Variants in NSD1 observed in about 807,000 individuals in gnomAD.
NSD1 encodes the protein histone-lysine N-methyltransferase, H3 lysine-36 specific.
Under a neutral mutation model 242.7 loss-of-function variants are expected in NSD1, and 26 were observed. The ratio of observed to expected loss-of-function variants is 0.11; its 90% CI spans 0.08 to 0.15. The LOEUF is 0.15. NSD1 is among the 10% of genes least tolerant of loss of function. The pLI is 1.00. For missense variants in NSD1, 2,495 were observed against 3,272.8 expected (o/e 0.76, Z 5.80); for synonymous variants, 1,106 against 1,178.1 (o/e 0.94, Z 1.25).
chr5:177,144,822 C>T (rs1240636472), intron 2 of NSD1, among the ~76,000 whole-genome samples: 1 of 152,078 alleles, frequency 6.6e-6, no homozygotes. Flanking sequence ...TGGTTCACAT[C>T]TATAATCCCA....
chr5:177,272,230 A>G (rs535068315), intron 16 of NSD1, among the ~76,000 whole-genome samples: 4 of 152,042 alleles, frequency 2.6e-5, no homozygotes, highest in African/African-American at 9.6e-5. Context: ...TATTGGATAG[A>G]TGTTAAGGAG....
Position 177,180,105 on chromosome 5 carries a change from T to A in NSD1, c.928-11779T>A, listed in dbSNP as rs191747451. Reference sequence around the variant, plus strand: ...TATTTTTTATTTTATTTATTTATTTTTTTTTTTGAGACAGAGTCTCGCTGT... The same window carrying A: ...TATTTTTTATTTTATTTATTTATTTATTTTTTTGAGACAGAGTCTCGCTGT... On this transcript the variant is annotated intron_variant, in intron 2 of 22. Coordinates refer to ENST00000439151, the MANE Select transcript of NSD1 (RefSeq NM_022455.5). Among the ~76,000 whole-genome samples the A allele has an allele frequency of 6.5e-3, 983 of 151,456 alleles. 7 individuals are homozygous for A. The highest frequency in any genetic ancestry group is 0.019 in the African/African-American group (771 of 41,330).
Position 177,136,050 on chromosome 5 carries a change from A to G in NSD1, c.927+20A>G, listed in dbSNP as rs1413883952. 1 of 1,590,898 alleles carries G rather than the reference A, an allele frequency of 6.3e-7. No individual in the cohort carries two copies. Among genetic ancestry groups the G allele is most frequent in the South Asian group, 1.1e-5 (1 of 90,356 alleles). ...CCATTTGTAAGCAGTTTTTGGTACA[A>G]CTTAAATATATACATATATGTATAT... is the stretch of plus-strand genomic sequence containing the variant. On this transcript the variant is annotated intron_variant, in intron 2 of 22. Coordinates refer to ENST00000439151, the MANE Select transcript of NSD1 (RefSeq NM_022455.5).
intron 16 of NSD1, among the ~76,000 whole-genome samples, chr5:177,272,067 C>T (rs1350001908): frequency 6.6e-6 from 1 of 152,070 alleles, no homozygotes; most frequent in Non-Finnish European, 1.5e-5. Context: ...GAGGCTAATG[C>T]CACTGCACTC....
intron 2 of NSD1, among the ~76,000 whole-genome samples, chr5:177,151,343 C>T (rs1757680272): frequency 6.6e-6 from 1 of 152,182 alleles, no homozygotes. Context: ...AAGATTGTGC[C>T]ATTGCACTCC....
At chr5:177,173,355 T>C (rs1359857183) in intron 2 of NSD1, among the ~76,000 whole-genome samples, 2 of 151,620 alleles carry the variant, frequency 1.3e-5, no homozygotes, top group African/African-American at 4.8e-5. Context: ...AGAAGTCTAT[T>C]GGAATGTTGC....
chr5:177,288,632 T>A (rs890276235), intron 20 of NSD1, 187 bp from the exon 21 acceptor site: 15 of 556,016 alleles, frequency 2.7e-5, no homozygotes, highest in Admixed American at 2.5e-4. Flanking sequence ...CCATTTAAGT[T>A]TTCTCTGTTA....
chr5:177,295,753 CTG>C lies in NSD1; in HGVS notation c.*295_*296del. On this transcript the variant is annotated 3_prime_UTR_variant, in exon 23 of 23. Transcript: ENST00000439151. This position sits in a 1 kb window ranked among gnomAD's most constrained non-coding sequence, Gnocchi z 4.3. The stretch of plus-strand genomic sequence containing the variant: ...GTCATCGTGAAATAAAAAGTCCACT[CTG>C]GAGTCAAGTATGGAATTCAATTCCG... 1.9e-6 allele frequency: 1 copy of C among 519,814 alleles called. No homozygotes were observed. The highest frequency in any genetic ancestry group is 3.5e-6 in the Non-Finnish European group (1 of 287,236). 32.2% of individuals were successfully genotyped at this position (519,814 alleles called of 1,614,324 possible).
intron 3 of NSD1, among the ~76,000 whole-genome samples, chr5:177,198,272 C>A (rs1350744170): frequency 6.6e-6 from 1 of 152,120 alleles, no homozygotes; most frequent in East Asian, 1.9e-4. Context: ...GTGATCCTCC[C>A]GCCTTGGCCT....
intron 8 of NSD1, among the ~76,000 whole-genome samples, chr5:177,243,371 A>G (rs1317772714): frequency 1.3e-5 from 2 of 152,200 alleles, no homozygotes; most frequent in Admixed American, 1.3e-4. Context: ...AATTTTTAGT[A>G]GAAACGGGGT....
chr5:177,211,946 T>G lies in NSD1; in HGVS notation c.3547T>G (p.Ser1183Ala). ...GAACAGATTTAAAGAGAAAGAAAAC[T>G]CTGAGTGTGCCTTTAGGGTCTTACT... ...RMNRFKEKEN[S>A]ECAFRVLLPS... is the part of the protein sequence containing the mutation. The change falls in exon 5 of 23, where the codon TCT (serine) becomes GCT (alanine). Residue 1183 changes from serine (S) to alanine (A), a missense_variant. Ser to Ala is a moderately conservative substitution (Grantham distance 99). Coordinates refer to ENST00000439151, the MANE Select transcript of NSD1 (RefSeq NM_022455.5). The G allele has an allele frequency of 6.2e-7, 1 of 1,604,928 alleles. No homozygotes were observed. Among genetic ancestry groups the G allele is most frequent in the Non-Finnish European group, 8.5e-7 (1 of 1,175,346 alleles).
chr5:177,258,123 G>A (rs1295292840), intron 13 of NSD1, among the ~76,000 whole-genome samples: 1 of 151,632 alleles, frequency 6.6e-6, no homozygotes, highest in Non-Finnish European at 1.5e-5. Context: ...TGGGATTACA[G>A]GCATGAGCCA....
chr5:177,158,311 TTTTCTTTCTTTTC>T, intron 2 of NSD1, among the ~76,000 whole-genome samples: 1 of 147,672 alleles, frequency 6.8e-6, no homozygotes, highest in Non-Finnish European at 1.5e-5. Context: ...CTTTTCTTTC[TTTTCTTTCTTTTC>T]TTTCTTTTCT....
Position 177,211,556 on chromosome 5 carries a change from A to G in NSD1, c.3157A>G (p.Lys1053Glu). ...CCGTAAAGCCTTAAAGACCGAGCGC[A>G]AAAGAAAACTGAATCAGCTTCCAAG... ...VNRKALKTER[K>E]RKLNQLPSVT... is the part of the protein sequence containing the mutation. Residue 1053 changes from lysine to glutamate, a missense_variant, in exon 5 of 23, where the codon AAA becomes GAA. Physicochemically the swap from Lys to Glu is moderately conservative, Grantham distance 56 (BLOSUM62 1). Around this residue, in one of 19 missense-constraint regions of NSD1, gnomAD observed 426 missense variants for 411.4 expected, o/e 1.04. Transcript: ENST00000439151. 4 of 1,614,158 alleles carry G rather than the reference A, an allele frequency of 2.5e-6. No individual in the cohort carries two copies. The highest frequency in any genetic ancestry group is 2.5e-6 in the Non-Finnish European group (3 of 1,180,036).
At chr5:177,158,290 TTTC>T (rs372350119) in intron 2 of NSD1, among the ~76,000 whole-genome samples, 3,027 of 79,696 alleles carry the variant, frequency 0.038, 41 homozygotes, top group African/African-American at 0.1. Flanking sequence ...TCTTTCTTTC[TTTC>T]TTTCTTTCTT....
chr5:177,135,263 A>G lies in NSD1; in HGVS notation c.160A>G (p.Ser54Gly). 6.2e-7 allele frequency: 1 copy of G among 1,613,838 alleles called. No individual in the cohort carries two copies. The highest frequency in any genetic ancestry group is 8.5e-7 in the Non-Finnish European group (1 of 1,179,714). Residue 54 changes from serine to glycine, a missense_variant, in exon 2 of 23, where the codon AGT (serine) becomes GGT (glycine). Ser to Gly is a moderately conservative substitution (Grantham distance 56). Coordinates refer to ENST00000439151, the MANE Select transcript of NSD1 (RefSeq NM_022455.5). Reference protein sequence around the residue: ...NGCTMQLSTVSGTSQNAYGQD... With the variant: ...NGCTMQLSTVGGTSQNAYGQD... ...GTGTACTATGCAGTTATCGACTGTC[A>G]GTGGAACATCCCAAAATGCTTATGG...
chr5:177,159,009 T>TATATGAATG (rs1176066092), intron 2 of NSD1, among the ~76,000 whole-genome samples: 4 of 97,820 alleles, frequency 4.1e-5, no homozygotes, highest in African/African-American at 1.7e-4. Flanking sequence ...TATATATATA[T>TATATGAATG]ATATATATAT....
Position 177,210,354 on chromosome 5 carries a change from T to C in NSD1, c.1955T>C (p.Ile652Thr), listed in dbSNP as rs1343860484. The C allele has an allele frequency of 1.7e-5, 27 of 1,614,048 alleles. No individual in the cohort carries two copies. The highest frequency in any genetic ancestry group is 2.3e-5 in the Non-Finnish European group (27 of 1,180,042). Reference sequence around the variant, plus strand: ...GATGGAAGCAGTGACCTGGATCCCATAGAACACAGCTCAGAGTCTGATAAC... The same window carrying C: ...GATGGAAGCAGTGACCTGGATCCCACAGAACACAGCTCAGAGTCTGATAAC... ...SDDGSSDLDP[I>T]EHSSESDNSV... Residue 652 changes from isoleucine to threonine, a missense_variant, in exon 5 of 23, where the codon ATA becomes ACA. Ile to Thr is a moderately conservative substitution (Grantham distance 89). Around this residue, in one of 19 missense-constraint regions of NSD1, gnomAD observed 515 missense variants for 467.0 expected, o/e 1.10. Coordinates refer to ENST00000439151, the MANE Select transcript of NSD1 (RefSeq NM_022455.5).
intron 19 of NSD1, 84 bp downstream of exon 19, chr5:177,282,665 G>A (rs1221975123): frequency 1.7e-5 from 18 of 1,044,070 alleles, no homozygotes; most frequent in Non-Finnish European, 2.4e-5. Context: ...GGCATGTAAC[G>A]CAGTTCCCAA....
Sources: allele counts gnomAD v4.1 joint callset (sites outside exome capture counted in the v4.1 genomes callset), GRCh38; gene constraint gnomAD v4.1.1; regional missense constraint gnomAD v4.1.1; non-coding constraint Gnocchi (gnomAD v3.1); transcripts MANE v1.5; gene names NCBI Gene and HGNC (gene_info 2026-07-23, HGNC 2026-07-21).